MAGI1: variants seen among roughly 807,000 people sequenced by gnomAD.
The protein encoded by MAGI1 is membrane-associated guanylate kinase, WW and PDZ domain-containing protein 1.
MAGI1 carries 58 observed loss-of-function variants against 139.9 expected under a neutral mutation model. The ratio of observed to expected loss-of-function variants is 0.41; its 90% CI spans 0.34 to 0.52. The LOEUF is 0.52. MAGI1 is among the 20% of genes least tolerant of loss of function. The pLI, the probability that MAGI1 is intolerant of heterozygous loss-of-function variation, is 0.12. For missense variants in MAGI1, 1,874 were observed against 1,901.6 expected, an observed-to-expected ratio of 0.99 and a Z score of 0.27; for synonymous variants, 812 against 737.9, an observed-to-expected ratio of 1.10 and a Z score of -1.63.
At chr3:65,721,712 ACTC>A (rs1402436796) in intron 1 of MAGI1, among the ~76,000 whole-genome samples, 1 of 151,636 alleles carries the variant, frequency 6.6e-6, no homozygotes, top group Non-Finnish European at 1.5e-5. Context: ...CGAAAATACT[ACTC>A]CTCTTATTTA....
intron 2 of MAGI1, among the ~76,000 whole-genome samples, chr3:65,527,092 C>G (rs183615857): frequency 3.3e-5 from 5 of 152,334 alleles, no homozygotes; most frequent in African/African-American, 1.2e-4. Flanking sequence ...CTTGACTTCT[C>G]AAACAGCCAA....
rs755340697 is a variant in MAGI1, at chr3:65,470,263, G to A, written c.959+20C>T. ...AAAGAAAGAGAGAGAGATTTAGGTA[G>A]AAATAATGGTATACTTTACTCTATA... On this transcript the variant is annotated intron_variant, in intron 5 of 22. Transcript: ENST00000402939. 2.1e-5 allele frequency: 32 copies of A among 1,525,492 alleles called. No homozygotes were observed. Among genetic ancestry groups the A allele is most frequent in the Middle Eastern group, 3.8e-4 (2 of 5,312 alleles). 94.5% of individuals were successfully genotyped at this position (1,525,492 alleles called of 1,614,324 possible).
intron 2 of MAGI1, among the ~76,000 whole-genome samples, chr3:65,611,588 T>C (rs1311772870): frequency 1.4e-5 from 2 of 140,768 alleles, no homozygotes; most frequent in African/African-American, 2.6e-5. Context: ...TATACTATAC[T>C]AGTATATACA....
At chr3:65,618,033 G>A (rs981538883) in intron 2 of MAGI1, among the ~76,000 whole-genome samples, 4 of 152,214 alleles carry the variant, frequency 2.6e-5, no homozygotes, top group African/African-American at 9.6e-5. Flanking sequence ...GGCCCAATCT[G>A]CAGAAGCAAC....
At chr3:65,450,843 G>T (rs1448018214) in intron 6 of MAGI1, among the ~76,000 whole-genome samples, 1 of 152,142 alleles carries the variant, frequency 6.6e-6, no homozygotes, top group Non-Finnish European at 1.5e-5. Flanking sequence ...AGAACAGAAA[G>T]AAATACAGGG....
At chr3:66,023,604 G>T (rs1173633583) in intron 1 of MAGI1, among the ~76,000 whole-genome samples, 1 of 152,178 alleles carries the variant, frequency 6.6e-6, no homozygotes, top group Non-Finnish European at 1.5e-5. Flanking sequence ...GGTCTTAGAG[G>T]TTAATCATGT....
At chr3:65,964,564 C>A (rs2064641690) in intron 1 of MAGI1, among the ~76,000 whole-genome samples, 1 of 152,180 alleles carries the variant, frequency 6.6e-6, no homozygotes, top group East Asian at 1.9e-4. Flanking sequence ...TTCATTTGCT[C>A]CCATTCTCAT....
intron 5 of MAGI1, among the ~76,000 whole-genome samples, chr3:65,460,555 A>T (rs1949708021): frequency 6.6e-6 from 1 of 151,464 alleles, no homozygotes; most frequent in African/African-American, 2.4e-5. Context: ...CTTCTTTTTT[A>T]AAAAAATTAT....
At chr3:65,547,900 G>A (rs1416482469) in intron 2 of MAGI1, among the ~76,000 whole-genome samples, 1 of 152,138 alleles carries the variant, frequency 6.6e-6, no homozygotes, top group South Asian at 2.1e-4. Flanking sequence ...CATACCACAT[G>A]TTGAGAAAAA....
chr3:65,956,710 A>G (rs2064145035), intron 1 of MAGI1, among the ~76,000 whole-genome samples: 1 of 152,108 alleles, frequency 6.6e-6, no homozygotes, highest in Non-Finnish European at 1.5e-5. Context: ...AAAATTACCT[A>G]TTGAAGGCAG....
intron 1 of MAGI1, among the ~76,000 whole-genome samples, chr3:66,030,976 G>A (rs551826148): frequency 6.6e-6 from 1 of 152,328 alleles, no homozygotes; most frequent in Non-Finnish European, 1.5e-5. Flanking sequence ...AGAAAGCAGA[G>A]TCAATATGAT....
At chr3:65,501,283 A>C (rs1251927567) in intron 2 of MAGI1, among the ~76,000 whole-genome samples, 1 of 152,018 alleles carries the variant, frequency 6.6e-6, no homozygotes, top group Admixed American at 6.6e-5. Flanking sequence ...GTTCAAGACC[A>C]GTCTGGCCAA....
chr3:66,020,219 C>A (rs1184238193), intron 1 of MAGI1, among the ~76,000 whole-genome samples: 1 of 152,172 alleles, frequency 6.6e-6, no homozygotes, highest in Non-Finnish European at 1.5e-5. Flanking sequence ...GCAGACGGAT[C>A]ACTTGAGCTC....
chr3:65,988,056 T>C (rs1200547989), intron 1 of MAGI1, among the ~76,000 whole-genome samples: 1 of 152,340 alleles, frequency 6.6e-6, no homozygotes, highest in Non-Finnish European at 1.5e-5. Context: ...TCTGAACACA[T>C]TGTTAAAAGC....
intron 1 of MAGI1, among the ~76,000 whole-genome samples, chr3:65,835,941 T>A (rs1201656633): frequency 6.6e-6 from 1 of 152,154 alleles, no homozygotes. Flanking sequence ...AAAATTGGTA[T>A]GGTAGATAAG....
intron 1 of MAGI1, among the ~76,000 whole-genome samples, chr3:65,884,313 T>C (rs1017835438): frequency 3.3e-5 from 5 of 152,218 alleles, no homozygotes; most frequent in Admixed American, 6.5e-5. Flanking sequence ...GTGCATGAGG[T>C]ATCCAAGTGC....
At chr3:65,874,841 A>T (rs1442552268) in intron 1 of MAGI1, 1 of 152,638 alleles carries the variant, frequency 6.6e-6, no homozygotes, top group East Asian at 1.9e-4. Context: ...ATAGCCAAAA[A>T]CTAGGAACAA....
intron 1 of MAGI1, among the ~76,000 whole-genome samples, chr3:65,849,304 C>T (rs1392431647): frequency 6.6e-6 from 1 of 151,536 alleles, no homozygotes; most frequent in Admixed American, 6.6e-5. Context: ...GGATTACAAG[C>T]ATGAGTCACT....
intron 1 of MAGI1, among the ~76,000 whole-genome samples, chr3:65,976,610 G>A (rs2065278924): frequency 6.6e-6 from 1 of 152,174 alleles, no homozygotes; most frequent in African/African-American, 2.4e-5. Flanking sequence ...CAGCCTGGGT[G>A]ACAGACTGGG....
Sources: allele counts gnomAD v4.1 joint callset (sites outside exome capture counted in the v4.1 genomes callset), GRCh38; gene constraint gnomAD v4.1.1; transcripts MANE v1.5; gene names NCBI Gene and HGNC (gene_info 2026-07-23, HGNC 2026-07-21).